GLIS1: variants seen among roughly 807,000 people sequenced by gnomAD.
GLIS1 encodes the protein zinc finger protein GLIS1.
Under a neutral mutation model 63.8 loss-of-function variants are expected in GLIS1, and 24 were observed. The observed-to-expected ratio is 0.38, with a 90% CI of 0.27 to 0.53. GLIS1 has a LOEUF of 0.53. Ranked by LOEUF, GLIS1 falls within the 20% of genes least tolerant of loss-of-function variation. The pLI is 0.85. For missense variants in GLIS1, 1,036 were observed against 1,074.1 expected, an observed-to-expected ratio of 0.96 and a Z score of 0.50; for synonymous variants, 450 against 482.5, an observed-to-expected ratio of 0.93 and a Z score of 0.88.
At chr1:53,569,943 T>G (rs994139369) in intron 4 of GLIS1, among the ~76,000 whole-genome samples, 1 of 152,112 alleles carries the variant, frequency 6.6e-6, no homozygotes, top group Non-Finnish European at 1.5e-5. Context: ...ACAAAGAACA[T>G]GTTTATGAAC....
intron 2 of GLIS1, among the ~76,000 whole-genome samples, chr1:53,668,464 C>A (rs1036197051): frequency 6.6e-6 from 1 of 152,184 alleles, no homozygotes; most frequent in Non-Finnish European, 1.5e-5. Context: ...TGGGTTCAAG[C>A]AATTCTCCTG....
chr1:53,727,700 G>A, intron 2 of GLIS1, among the ~76,000 whole-genome samples: 1 of 152,096 alleles, frequency 6.6e-6, no homozygotes, highest in East Asian at 1.9e-4. Flanking sequence ...TGCAAGCCCT[G>A]AAGCCAATCC....
chr1:53,617,791 G>A (rs2100588737), intron 2 of GLIS1, among the ~76,000 whole-genome samples: 1 of 152,334 alleles, frequency 6.6e-6, no homozygotes, highest in African/African-American at 2.4e-5. Flanking sequence ...GCAGTTCAAA[G>A]AAGGCCCTGT....
intron 8 of GLIS1, among the ~76,000 whole-genome samples, chr1:53,513,172 C>T (rs1041912409): frequency 1.3e-5 from 2 of 152,160 alleles, no homozygotes; most frequent in African/African-American, 4.8e-5. Flanking sequence ...GCCTCCTCCT[C>T]TCCCTGCCCA....
rs776020381 is a variant in GLIS1, at chr1:53,506,641, G to A, written c.2366C>T (p.Pro789Leu). The A allele has an allele frequency of 1.9e-5, 31 of 1,611,346 alleles. No homozygotes were observed. The highest frequency in any genetic ancestry group is 2.2e-5 in the Non-Finnish European group (26 of 1,178,994). The change falls in exon 11 of 11, where the codon CCC becomes CTC. Residue 789 changes from proline to leucine, a missense_variant. Pro to Leu is a moderately conservative substitution (Grantham distance 98). This residue lies in a region of GLIS1 where 400 missense variants were observed against 400.9 expected (regional missense o/e 1.00). Coordinates refer to ENST00000628545, the MANE Select transcript of GLIS1 (RefSeq NM_001367484.1). ...GAFDHCLGHI[P>L]SIYTDT The stretch of plus-strand genomic sequence containing the variant: ...CCTTCAGGTGTCTGTGTAGATGGAG[G>A]GGATGTGGCCCAGGCAGTGGTCAAA...
intron 5 of GLIS1, among the ~76,000 whole-genome samples, chr1:53,529,230 AT>A (rs1644503341): frequency 6.6e-6 from 1 of 152,206 alleles, no homozygotes; most frequent in East Asian, 1.9e-4. Context: ...GGGAGCCAGT[AT>A]CTGGAGGCCT....
chr1:53,669,154 T>C (rs1646125889), intron 2 of GLIS1, among the ~76,000 whole-genome samples: 1 of 152,216 alleles, frequency 6.6e-6, no homozygotes, highest in Admixed American at 6.5e-5. Flanking sequence ...TCCACTCATG[T>C]GGTCCCCAAC....
chr1:53,610,838 T>C (rs1375987692), intron 2 of GLIS1, among the ~76,000 whole-genome samples: 1 of 152,180 alleles, frequency 6.6e-6, no homozygotes, highest in Non-Finnish European at 1.5e-5. Context: ...TATATATCTC[T>C]TATGCTATTT....
chr1:53,582,408 C>A (rs549187861), intron 4 of GLIS1, among the ~76,000 whole-genome samples: 75 of 152,298 alleles, frequency 4.9e-4, no homozygotes, highest in African/African-American at 1.8e-3. Flanking sequence ...GTGAATCAGA[C>A]CCTGCTAGGA....
chr1:53,543,499 G>A lies in GLIS1; in HGVS notation c.1321-13547C>T, dbSNP rs1348071197. On this transcript the variant is annotated intron_variant, in intron 4 of 10. Transcript: ENST00000628545. Reference sequence around the variant, plus strand: ...AGCCAGGGTTGAGGAATGAGCCCAGGGCTGTCTGATAGCAAACCCCTGGCC... The same window carrying A: ...AGCCAGGGTTGAGGAATGAGCCCAGAGCTGTCTGATAGCAAACCCCTGGCC... Among the ~76,000 whole-genome samples, 5 of 152,136 alleles carry A rather than the reference G, an allele frequency of 3.3e-5. No homozygotes were observed. The East Asian group carries it at 9.6e-4, about 29-fold the overall frequency.
chr1:53,636,145 G>T (rs1433611520), intron 2 of GLIS1, among the ~76,000 whole-genome samples: 1 of 152,046 alleles, frequency 6.6e-6, no homozygotes, highest in African/African-American at 2.4e-5. Context: ...CTATAAGAAA[G>T]GAAAATTACA....
chr1:53,629,942 G>A (rs748451405), intron 2 of GLIS1, among the ~76,000 whole-genome samples: 3 of 152,148 alleles, frequency 2.0e-5, no homozygotes, highest in Admixed American at 6.5e-5. Flanking sequence ...GACTGTGCTC[G>A]TTCATTCGTG....
At chr1:53,677,198 T>C (rs1021207182) in intron 2 of GLIS1, among the ~76,000 whole-genome samples, 5 of 152,236 alleles carry the variant, frequency 3.3e-5, no homozygotes, top group East Asian at 1.9e-4. Flanking sequence ...AGAGTGAGTG[T>C]GTAGATTAGT....
intron 4 of GLIS1, among the ~76,000 whole-genome samples, chr1:53,547,178 T>C (rs1480621738): frequency 6.6e-6 from 1 of 152,238 alleles, no homozygotes; most frequent in Non-Finnish European, 1.5e-5. Flanking sequence ...AGAGGACGTC[T>C]ACCCATTTTG....
chr1:53,524,501 G>A (rs1337646259), intron 6 of GLIS1, among the ~76,000 whole-genome samples: 5 of 152,268 alleles, frequency 3.3e-5, no homozygotes, highest in African/African-American at 7.2e-5. Context: ...CACACAAGCC[G>A]CGGGAGGTGC....
At chr1:53,731,682 G>A (rs1490151106) in intron 2 of GLIS1, among the ~76,000 whole-genome samples, 1 of 152,154 alleles carries the variant, frequency 6.6e-6, no homozygotes, top group Admixed American at 6.5e-5. Context: ...TCTTCCTAGG[G>A]CTGCTGGGCA....
intron 8 of GLIS1, among the ~76,000 whole-genome samples, chr1:53,514,146 G>C (rs1644325354): frequency 6.6e-6 from 1 of 152,216 alleles, no homozygotes; most frequent in African/African-American, 2.4e-5. Flanking sequence ...CTCCCAGGCA[G>C]CCCCCCGCAG....
At chr1:53,529,684 C>G in intron 5 of GLIS1, 107 bp downstream of exon 5, 5 of 1,204,086 alleles carry the variant, frequency 4.2e-6, no homozygotes, top group Non-Finnish European at 5.8e-6. Context: ...ATCTCCTGCC[C>G]CAAACATCGG....
At chr1:53,513,009 A>C (rs1644313674) in intron 8 of GLIS1, among the ~76,000 whole-genome samples, 1 of 152,040 alleles carries the variant, frequency 6.6e-6, no homozygotes, top group African/African-American at 2.4e-5. Context: ...CCTTTCACAG[A>C]AGCAGCAGCT....
Sources: allele counts gnomAD v4.1 joint callset (sites outside exome capture counted in the v4.1 genomes callset), GRCh38; gene constraint gnomAD v4.1.1; regional missense constraint gnomAD v4.1.1; transcripts MANE v1.5; gene names NCBI Gene and HGNC (gene_info 2026-07-23, HGNC 2026-07-21).